Variants in NKAIN2 observed in about 807,000 individuals in gnomAD.
NKAIN2 encodes sodium/potassium transporting ATPase interacting 2.
A neutral mutation model predicts 32.6 loss-of-function variants in NKAIN2; 14 were observed. That is an observed-to-expected ratio of 0.43 (90% CI 0.28 to 0.67). The LOEUF (loss-of-function observed/expected upper bound fraction) is 0.67, where lower values mean the gene tolerates loss of function less well. Among genes scored for constraint, NKAIN2 ranks in the 30% least tolerant of loss-of-function variants. The probability of loss-of-function intolerance (pLI) is 0.17; values close to 1 mark genes in which losing one functional copy is unlikely to be tolerated. For missense variants in NKAIN2, 198 were observed against 258.3 expected (o/e 0.77, Z 1.60); for synonymous variants, 80 against 87.2 (o/e 0.92, Z 0.46).
chr6:124,659,806 C>T (rs529172242), intron 4 of NKAIN2, among the ~76,000 whole-genome samples: 1 of 151,802 alleles, frequency 6.6e-6, no homozygotes, highest in Non-Finnish European at 1.5e-5. Flanking sequence ...ACAGTCCCAC[C>T]CAATCACAGA....
chr6:123,974,797 C>A (rs763251702), intron 1 of NKAIN2, among the ~76,000 whole-genome samples: 2 of 152,262 alleles, frequency 1.3e-5, no homozygotes, highest in South Asian at 4.1e-4. Flanking sequence ...TAAGTTCTAA[C>A]GGAACATTTT....
intron 3 of NKAIN2, among the ~76,000 whole-genome samples, chr6:124,617,360 T>C (rs1299387424): frequency 6.6e-6 from 1 of 152,210 alleles, no homozygotes; most frequent in Non-Finnish European, 1.5e-5. Flanking sequence ...CACTGTTCTC[T>C]AAAACCCATG....
At chr6:123,893,830 G>A (rs904858900) in intron 1 of NKAIN2, among the ~76,000 whole-genome samples, 2 of 152,196 alleles carry the variant, frequency 1.3e-5, no homozygotes, top group Non-Finnish European at 2.9e-5. Flanking sequence ...TATTCCAGGG[G>A]GAGGAGGCCT....
At chr6:123,942,073 A>G (rs1776851954) in intron 1 of NKAIN2, among the ~76,000 whole-genome samples, 1 of 151,984 alleles carries the variant, frequency 6.6e-6, no homozygotes, top group Non-Finnish European at 1.5e-5. Flanking sequence ...TTATGTGTCT[A>G]AAATTAGATC....
At position 124,804,703 on chromosome 6, in the gene NKAIN2, G is replaced by A. The variant is rs889481215; in HGVS notation, c.535+13304G>A. On this transcript the variant is annotated intron_variant, in intron 5 of 6. Transcript: ENST00000368417. Reference sequence around the variant, plus strand: ...AGCAGGGCGAGGCATTGCCTCACTCGGGAAGCGCAAGGGATCAGGGAGTTC... The same window carrying A: ...AGCAGGGCGAGGCATTGCCTCACTCAGGAAGCGCAAGGGATCAGGGAGTTC... 5.3e-5 allele frequency among the ~76,000 whole-genome samples: 8 copies of A among 152,338 alleles called. No homozygotes were observed. In the South Asian group the frequency reaches 6.2e-4, roughly 12 times the overall value.
intron 4 of NKAIN2, among the ~76,000 whole-genome samples, chr6:124,719,115 T>A (rs758761928): frequency 9.9e-5 from 15 of 152,208 alleles, no homozygotes; most frequent in Non-Finnish European, 1.8e-4. Context: ...TGATTTATCA[T>A]CTATCATTAG....
chr6:124,436,378 T>G (rs1775445069), intron 3 of NKAIN2, among the ~76,000 whole-genome samples: 1 of 152,132 alleles, frequency 6.6e-6, no homozygotes, highest in Non-Finnish European at 1.5e-5. Flanking sequence ...CTCACAGAAT[T>G]TATAAATGCT....
At chr6:124,798,098 T>G (rs1049369614) in intron 5 of NKAIN2, among the ~76,000 whole-genome samples, 1 of 129,822 alleles carries the variant, frequency 7.7e-6, no homozygotes, top group African/African-American at 2.7e-5. Context: ...TATCTATCTA[T>G]CTATCTATCA....
At chr6:123,809,831 A>G (rs924372578) in intron 1 of NKAIN2, among the ~76,000 whole-genome samples, 1 of 152,168 alleles carries the variant, frequency 6.6e-6, no homozygotes, top group Non-Finnish European at 1.5e-5. Context: ...AAATAAGAAT[A>G]AGGTGACTTC....
chr6:124,585,863 A>G (rs649757), intron 3 of NKAIN2, among the ~76,000 whole-genome samples: 137,012 of 152,202 alleles, frequency 0.9, 62,344 homozygotes, highest in South Asian at 0.97. Flanking sequence ...TTTGGACAAA[A>G]TTCAATTTAT....
chr6:124,454,843 C>T (rs1160279442), intron 3 of NKAIN2, among the ~76,000 whole-genome samples: 1 of 151,990 alleles, frequency 6.6e-6, no homozygotes, highest in African/African-American at 2.4e-5. Context: ...ACTGATATCC[C>T]TTAGCATTGA....
intron 4 of NKAIN2, among the ~76,000 whole-genome samples, chr6:124,702,735 C>G (rs1325423092): frequency 6.6e-6 from 1 of 151,946 alleles, no homozygotes; most frequent in East Asian, 1.9e-4. Context: ...TTTGAAAGCC[C>G]AACTGCCAGC....
In NKAIN2 at chr6:124,623,011, G is replaced by A. The variant is rs185089286; in HGVS notation, c.274-35175G>A. Among the ~76,000 whole-genome samples the A allele has an allele frequency of 1.5e-3, 227 of 152,124 alleles. 3 individuals carry two copies. Among genetic ancestry groups the A allele is most frequent in the African/African-American group, 5.1e-3 (213 of 41,490 alleles). ...CACAGGTATCCAGGCTTGAGGATGG[G>A]GCTTTTGCCGGGTAACTGCCCTCTT... On this transcript the variant is annotated intron_variant, in intron 3 of 6. Transcript: ENST00000368417.
In NKAIN2 at chr6:123,867,846, C is replaced by T. The variant is rs149444318; in HGVS notation, c.54+63592C>T. Among the ~76,000 whole-genome samples, 15 of 150,682 alleles carry T rather than the reference C, an allele frequency of 1.0e-4. 1 individual carries two copies. The East Asian group carries it at 2.7e-3, about 28-fold the overall frequency. ...TATTTGAGCATCAGTCAATTATTCA[C>T]TGTTGTACTGGGTTCATTTTTTTTT... On this transcript the variant is annotated intron_variant, in intron 1 of 6. Transcript: ENST00000368417.
chr6:124,228,228 A>T (rs903052138), intron 1 of NKAIN2, among the ~76,000 whole-genome samples: 5 of 152,140 alleles, frequency 3.3e-5, no homozygotes, highest in Non-Finnish European at 5.9e-5. Context: ...TTGAGAAGCA[A>T]ATCTGTTTTG....
intron 3 of NKAIN2, among the ~76,000 whole-genome samples, chr6:124,458,756 C>A (rs1249212604): frequency 2.0e-5 from 3 of 151,708 alleles, no homozygotes; most frequent in Non-Finnish European, 4.4e-5. Context: ...TGGAGATTTG[C>A]CTGAGACTTG....
intron 4 of NKAIN2, among the ~76,000 whole-genome samples, chr6:124,676,986 G>A (rs1773390499): frequency 6.6e-6 from 1 of 151,938 alleles, no homozygotes; most frequent in South Asian, 2.1e-4. Context: ...TTTTGGGGTG[G>A]AGGACAGTGT....
At chr6:124,712,610 G>C (rs1036733689) in intron 4 of NKAIN2, among the ~76,000 whole-genome samples, 27 of 148,838 alleles carry the variant, frequency 1.8e-4, no homozygotes, top group Non-Finnish European at 2.7e-4. Context: ...CTTTCTTTGA[G>C]TCGGAAAGGG....
intron 1 of NKAIN2, among the ~76,000 whole-genome samples, chr6:124,262,975 A>G (rs1315791288): frequency 3.3e-5 from 5 of 152,182 alleles, no homozygotes; most frequent in Non-Finnish European, 4.4e-5. Flanking sequence ...TCTTTAAGGG[A>G]TATTACAAGT....
Sources: allele counts gnomAD v4.1 joint callset (sites outside exome capture counted in the v4.1 genomes callset), GRCh38; gene constraint gnomAD v4.1.1; transcripts MANE v1.5; gene names NCBI Gene and HGNC (gene_info 2026-07-23, HGNC 2026-07-21).